Variants in CDH18 observed in about 807,000 individuals in gnomAD.
The protein encoded by CDH18 is cadherin 18.
CDH18 carries 31 observed loss-of-function variants against 67.9 expected under a neutral mutation model. The observed-to-expected ratio is 0.46, with a 90% CI of 0.34 to 0.62. The LOEUF is 0.62. Among genes scored for constraint, CDH18 ranks in the 20% least tolerant of loss-of-function variants. CDH18 has a pLI of 0.01. For missense variants in CDH18, 890 were observed against 975.5 expected, an observed-to-expected ratio of 0.91 and a Z score of 1.17; for synonymous variants, 362 against 347.2, an observed-to-expected ratio of 1.04 and a Z score of -0.48.
intron 2 of CDH18, among the ~76,000 whole-genome samples, chr5:19,964,610 T>A (rs7701132): frequency 1.4e-5 from 2 of 142,808 alleles, no homozygotes; most frequent in African/African-American, 5.2e-5. Context: ...ATTGTGCCAC[T>A]GCACTCCAGC....
At chr5:20,050,477 A>G (rs7714598) in intron 2 of CDH18, among the ~76,000 whole-genome samples, 114,449 of 151,620 alleles carry the variant, frequency 0.75, 46,203 homozygotes, top group Non-Finnish European at 0.9. Flanking sequence ...ACAAATGTTT[A>G]AGCTCACATT....
At chr5:19,748,783 A>AT (rs570961160) in intron 3 of CDH18, among the ~76,000 whole-genome samples, 14 of 152,054 alleles carry the variant, frequency 9.2e-5, no homozygotes, top group South Asian at 6.2e-4. Context: ...TGAGAAAAAG[A>AT]TTTTTTTTCT....
chr5:20,394,776 A>G (rs1031313055), intron 1 of CDH18, among the ~76,000 whole-genome samples: 1 of 152,162 alleles, frequency 6.6e-6, no homozygotes, highest in Non-Finnish European at 1.5e-5. Context: ...GGCAAATGAT[A>G]TGAATAGAAA....
chr5:19,829,893 C>T (rs1780826996), intron 3 of CDH18, among the ~76,000 whole-genome samples: 1 of 152,036 alleles, frequency 6.6e-6, no homozygotes, highest in Non-Finnish European at 1.5e-5. Flanking sequence ...CACATACCTA[C>T]CAACATCTGA....
intron 2 of CDH18, among the ~76,000 whole-genome samples, chr5:20,083,372 T>G (rs1203175538): frequency 6.6e-6 from 1 of 152,094 alleles, no homozygotes; most frequent in South Asian, 2.1e-4. Flanking sequence ...ATGCTGTGGT[T>G]TTTTTGTTGT....
At chr5:20,041,258 A>G (rs1580104890) in intron 2 of CDH18, among the ~76,000 whole-genome samples, 1 of 152,178 alleles carries the variant, frequency 6.6e-6, no homozygotes, top group African/African-American at 2.4e-5. Flanking sequence ...TATCCCTATC[A>G]TGGCATCGGG....
chr5:20,547,732 C>G (rs1272746031), intron 1 of CDH18, among the ~76,000 whole-genome samples: 1 of 151,888 alleles, frequency 6.6e-6, no homozygotes, highest in East Asian at 1.9e-4. Flanking sequence ...TATGATAATG[C>G]CTGCTACAAA....
intron 1 of CDH18, among the ~76,000 whole-genome samples, chr5:20,543,357 T>C (rs143363993): frequency 0.011 from 1,660 of 152,250 alleles, 25 homozygotes; most frequent in African/African-American, 0.038. Flanking sequence ...TATGTCATTG[T>C]TTTTGTTTCA....
At chr5:20,569,435 A>G (rs1561140481) in intron 1 of CDH18, among the ~76,000 whole-genome samples, 1 of 152,128 alleles carries the variant, frequency 6.6e-6, no homozygotes. Context: ...AGCCTGGCCA[A>G]TATGGGGAAA....
intron 1 of CDH18, among the ~76,000 whole-genome samples, chr5:20,359,041 A>G (rs1741871134): frequency 6.8e-6 from 1 of 147,444 alleles, no homozygotes; most frequent in Non-Finnish European, 1.5e-5. Context: ...AAGTGATTCT[A>G]CTGCCTCAGC....
chr5:19,930,734 CT>C (rs1402652635), intron 2 of CDH18, among the ~76,000 whole-genome samples: 2 of 152,000 alleles, frequency 1.3e-5, no homozygotes, highest in African/African-American at 4.8e-5. Context: ...TAAACTCTAT[CT>C]CTAAGCTTAT....
chr5:19,568,783 A>G (rs1474212727), intron 8 of CDH18, among the ~76,000 whole-genome samples: 1 of 152,152 alleles, frequency 6.6e-6, no homozygotes, highest in African/African-American at 2.4e-5. Flanking sequence ...GTGAGAAATA[A>G]ATGTTTTTTG....
intron 1 of CDH18, among the ~76,000 whole-genome samples, chr5:20,346,053 A>G (rs892112112): frequency 6.6e-6 from 1 of 152,114 alleles, no homozygotes; most frequent in African/African-American, 2.4e-5. Context: ...ACTTTCCTAA[A>G]TGTTTCCAAC....
intron 9 of CDH18, among the ~76,000 whole-genome samples, chr5:19,539,797 C>T (rs1465812426): frequency 1.3e-5 from 2 of 152,166 alleles, no homozygotes; most frequent in Non-Finnish European, 2.9e-5. Context: ...GTCCATGATT[C>T]AATTACCTCC....
chr5:19,473,804 A>G (rs1457179306), intron 12 of CDH18, 88 bp from the exon 13 acceptor site: 3 of 1,145,138 alleles, frequency 2.6e-6, no homozygotes, highest in Admixed American at 2.2e-5. Flanking sequence ...CCATTTTCCC[A>G]TTCGTCATTA....
chr5:19,700,075 G>A lies in CDH18; in HGVS notation c.643+21272C>T, dbSNP rs77889185. On this transcript the variant is annotated intron_variant, in intron 5 of 12. Coordinates refer to ENST00000382275, the MANE Select transcript of CDH18 (RefSeq NM_004934.5). ...ATACTTATGCCCTCTTTTGTCTTTC[G>A]TCTTTCGAAAGAGTAAGATACAATT... is the stretch of plus-strand genomic sequence containing the variant. 1.3e-4 allele frequency among the ~76,000 whole-genome samples: 20 copies of A among 151,982 alleles called. No individual in the cohort carries two copies. In the East Asian group the frequency reaches 2.7e-3, roughly 21 times the overall value.
chr5:20,250,589 CTTTTTTTTTTTTTTTTTTTT>C lies in CDH18; in HGVS notation c.-518+4835_-518+4854del, dbSNP rs70954644. On this transcript the variant is annotated intron_variant, in intron 2 of 14. Coordinates refer to the CDH18 transcript ENST00000507958. ...TACAGGCGTGAGCCACGGCCCATGG[CTTTTTTTTTTTTTTTTTTTT>C]TTTTTTTTTTCGAGATTTAATCTTG... Among the ~76,000 whole-genome samples the C allele has an allele frequency of 8.9e-5, 3 of 33,548 alleles. No individual in the cohort carries two copies. In the East Asian group the frequency reaches 2.8e-3, roughly 31 times the overall value. The allele number at this position is 33,548 out of a possible 152,430, so 22.0% of individuals were successfully genotyped here. A position where few individuals can be genotyped will look rare whatever the true frequency, so the allele number is the denominator to read the frequency against.
At chr5:19,565,185 C>A (rs1425197694) in intron 8 of CDH18, among the ~76,000 whole-genome samples, 1 of 152,008 alleles carries the variant, frequency 6.6e-6, no homozygotes, top group Non-Finnish European at 1.5e-5. Flanking sequence ...GAGCCCTGGG[C>A]CTTAAGGGAA....
intron 2 of CDH18, among the ~76,000 whole-genome samples, chr5:19,994,242 CACATATACACAT>C (rs1438608100): frequency 2.9e-5 from 4 of 139,110 alleles, no homozygotes; most frequent in Admixed American, 6.9e-5. Flanking sequence ...TATATACACA[CACATATACACAT>C]ATATACACAT....
Sources: gnomAD v4.1 joint callset for allele counts (sites outside exome capture counted in the v4.1 genomes callset) on GRCh38, gnomAD v4.1.1 for gene constraint, MANE v1.5 for transcripts, NCBI Gene and HGNC (gene_info 2026-07-23, HGNC 2026-07-21) for gene names.